The following TXNL4A variants were observed in gnomAD, a reference collection of about 807,000 sequenced individuals.
TXNL4A encodes the protein thioredoxin like 4A, also known as thioredoxin-like protein 4A.
A neutral mutation model predicts 14.6 loss-of-function variants in TXNL4A; 17 were observed. That is an observed-to-expected ratio of 1.16 (90% CI 0.80 to 1.74). The LOEUF (loss-of-function observed/expected upper bound fraction) is 1.74. Ranked by LOEUF, TXNL4A falls within the 40% of genes most tolerant of loss-of-function variation. The pLI, the probability that TXNL4A is intolerant of heterozygous loss-of-function variation, is 0.00. For missense variants in TXNL4A, 74 were observed against 195.2 expected (o/e 0.38, Z 3.70); for synonymous variants, 83 against 70.6 (o/e 1.18, Z -0.88).
intron 1 of TXNL4A, among the ~76,000 whole-genome samples, chr18:80,015,246 C>T (rs1377760315): frequency 6.6e-6 from 1 of 151,340 alleles, no homozygotes; most frequent in East Asian, 1.9e-4. Flanking sequence ...GCTTGAATTT[C>T]TCCTCAAAAA....
chr18:79,996,126 AAC>A (rs2051660812), intron 1 of TXNL4A, among the ~76,000 whole-genome samples: 1 of 145,698 alleles, frequency 6.9e-6, no homozygotes. Context: ...AAAAAAAAAA[AAC>A]GGCCAGGACA....
At chr18:80,024,147 A>T (rs942263812) in intron 1 of TXNL4A, among the ~76,000 whole-genome samples, 1 of 151,440 alleles carries the variant, frequency 6.6e-6, no homozygotes, top group Non-Finnish European at 1.5e-5. Context: ...TGATCTTCCA[A>T]TGTTTCTCAG....
At chr18:80,027,096 T>C (rs1371114850) in intron 1 of TXNL4A, among the ~76,000 whole-genome samples, 1 of 152,144 alleles carries the variant, frequency 6.6e-6, no homozygotes, top group Admixed American at 6.5e-5. Context: ...CCGTTCCACT[T>C]ACGGTCTCAG....
rs2051771800 is a variant in TXNL4A, at chr18:80,011,836, ATGAAGACATTTT to A, written c.-61+22003_-61+22014del. 6.6e-6 allele frequency among the ~76,000 whole-genome samples: 1 copy of A among 152,030 alleles called. No homozygotes were observed. The highest frequency in any genetic ancestry group is 2.1e-4 in the South Asian group (1 of 4,824). On this transcript the variant is annotated intron_variant, in intron 1 of 2. Transcript: ENST00000585474. This position sits in a 1 kb window ranked among gnomAD's most constrained non-coding sequence, Gnocchi z 4.1. ...GAAGTTTACTCTCTATAAAGTTTGG[ATGAAGACATTTT>A]TTAAAGATCTTAAGTAGTTTAGACA...
intron 1 of TXNL4A, among the ~76,000 whole-genome samples, chr18:80,032,475 G>A (rs2051928590): frequency 6.6e-6 from 1 of 152,168 alleles, no homozygotes. Context: ...AAATAAGATG[G>A]CTACAAGATG....
chr18:80,029,401 A>T (rs895450946), intron 1 of TXNL4A, among the ~76,000 whole-genome samples: 1 of 152,160 alleles, frequency 6.6e-6, no homozygotes, highest in African/African-American at 2.4e-5. Context: ...TCATCTCAAG[A>T]TTACAAGTAT....
intron 1 of TXNL4A, among the ~76,000 whole-genome samples, chr18:80,023,404 G>T (rs1265251816): frequency 6.6e-6 from 1 of 152,180 alleles, no homozygotes; most frequent in Non-Finnish European, 1.5e-5. Context: ...ATTCCACTAG[G>T]TGGCGCCGTA....
At chr18:80,003,948 C>A (rs1029137754) in intron 1 of TXNL4A, among the ~76,000 whole-genome samples, 1 of 152,170 alleles carries the variant, frequency 6.6e-6, no homozygotes, top group Admixed American at 6.5e-5. Flanking sequence ...ACGATCCGGT[C>A]ACCTCCGCTT....
chr18:80,028,238 GC>G (rs1270805024), intron 1 of TXNL4A, among the ~76,000 whole-genome samples: 1 of 149,228 alleles, frequency 6.7e-6, no homozygotes, highest in Non-Finnish European at 1.5e-5. Context: ...TTGTGTGAGA[GC>G]AGTAGCAACC....
chr18:79,985,416 C>G (rs921135082), intron 1 of TXNL4A, among the ~76,000 whole-genome samples: 6 of 151,844 alleles, frequency 4.0e-5, no homozygotes, highest in Non-Finnish European at 8.8e-5. Context: ...CAACGCCTAG[C>G]TAATGTTTGC....
At chr18:80,012,853 G>A (rs1290225123) in intron 1 of TXNL4A, among the ~76,000 whole-genome samples, 3 of 150,040 alleles carry the variant, frequency 2.0e-5, no homozygotes, top group Admixed American at 6.6e-5. Context: ...TTTTGGGACC[G>A]GGGTCCAGTG....
intron 1 of TXNL4A, 135 bp downstream of exon 1, chr18:79,988,105 G>C: frequency 9.1e-7 from 1 of 1,102,360 alleles, no homozygotes; most frequent in Non-Finnish European, 1.2e-6. Flanking sequence ...GCAGCGAGGG[G>C]AGGAATCGCC....
At chr18:79,992,857 A>G (rs1296165138), upstream of TXNL4A, among the ~76,000 whole-genome samples, 1 of 110,126 alleles carries the variant, frequency 9.1e-6, no homozygotes, top group Non-Finnish European at 1.7e-5. Flanking sequence ...CCTCTGCCCC[A>G]TTTGTCTGTC....
intron 1 of TXNL4A, among the ~76,000 whole-genome samples, chr18:79,997,734 T>C (rs950066402): frequency 2.6e-5 from 4 of 152,202 alleles, no homozygotes; most frequent in Non-Finnish European, 5.9e-5. Context: ...ACTCATTCAG[T>C]ATGTAGGTGA....
intron 1 of TXNL4A, among the ~76,000 whole-genome samples, chr18:80,014,355 A>C (rs1456774491): frequency 1.3e-5 from 2 of 152,214 alleles, no homozygotes; most frequent in East Asian, 3.8e-4. Context: ...GTTACTTCCT[A>C]TATACAATAA....
At chr18:80,001,961 G>A (rs773372262) in intron 1 of TXNL4A, among the ~76,000 whole-genome samples, 1 of 152,126 alleles carries the variant, frequency 6.6e-6, no homozygotes, top group Non-Finnish European at 1.5e-5. Flanking sequence ...GAGGGGCCAG[G>A]GATGCAATGG....
chr18:80,019,003 T>C (rs975458946), intron 1 of TXNL4A, among the ~76,000 whole-genome samples: 4 of 152,218 alleles, frequency 2.6e-5, no homozygotes, highest in Non-Finnish European at 5.9e-5. Context: ...GCTATCAAAA[T>C]GTTGGACAAA....
At chr18:79,997,841 C>T (rs1429840952) in intron 1 of TXNL4A, among the ~76,000 whole-genome samples, 1 of 152,206 alleles carries the variant, frequency 6.6e-6, no homozygotes, top group East Asian at 1.9e-4. Flanking sequence ...AGACAAACTT[C>T]AGCGATGCTT....
intron 1 of TXNL4A, among the ~76,000 whole-genome samples, chr18:80,021,650 C>G (rs1790277246): frequency 6.6e-6 from 1 of 152,192 alleles, no homozygotes; most frequent in Non-Finnish European, 1.5e-5. Flanking sequence ...GCTTTATTAA[C>G]AAGATGGAGG....
Sources: allele counts gnomAD v4.1 joint callset (sites outside exome capture counted in the v4.1 genomes callset), GRCh38; gene constraint gnomAD v4.1.1; non-coding constraint Gnocchi (gnomAD v3.1); transcripts MANE v1.5; gene names NCBI Gene and HGNC (gene_info 2026-07-23, HGNC 2026-07-21).